Variants in MEIKIN observed in about 807,000 individuals in gnomAD.
MEIKIN encodes the protein meiosis-specific kinetochore protein.
chr5:131,887,185 T>C (rs1278453704), intron 8 of MEIKIN, among the ~76,000 whole-genome samples: 1 of 152,130 alleles, frequency 6.6e-6, no homozygotes, highest in Non-Finnish European at 1.5e-5. Flanking sequence ...GGCTGCACAG[T>C]ATTCCATGGG....
At chr5:131,913,135 T>C (rs1438273981) in intron 7 of MEIKIN, among the ~76,000 whole-genome samples, 1 of 152,208 alleles carries the variant, frequency 6.6e-6, no homozygotes, top group Non-Finnish European at 1.5e-5. Flanking sequence ...ACTGGAGCTC[T>C]ACCTATCACC....
chr5:131,837,596 G>A (rs949606053), intron 11 of MEIKIN, among the ~76,000 whole-genome samples: 3 of 151,942 alleles, frequency 2.0e-5, no homozygotes, highest in Admixed American at 6.6e-5. Flanking sequence ...TGTATTCCTA[G>A]GTATTTTATT....
At chr5:131,936,427 AT>A (rs1386299506) in intron 4 of MEIKIN, among the ~76,000 whole-genome samples, 1 of 152,166 alleles carries the variant, frequency 6.6e-6, no homozygotes, top group African/African-American at 2.4e-5. Flanking sequence ...CAATGTTTCT[AT>A]TATTATGACT....
intron 11 of MEIKIN, among the ~76,000 whole-genome samples, chr5:131,843,380 G>A (rs564360396): frequency 6.6e-6 from 1 of 152,272 alleles, no homozygotes; most frequent in African/African-American, 2.4e-5. Context: ...ACCTGGTCAG[G>A]CCACAAATTT....
chr5:131,932,659 C>G (rs191895250), intron 5 of MEIKIN, among the ~76,000 whole-genome samples: 109 of 152,302 alleles, frequency 7.2e-4, no homozygotes, highest in Middle Eastern at 3.4e-3. Flanking sequence ...TTGGGACTGA[C>G]ATTTCAAAAT....
intron 11 of MEIKIN, among the ~76,000 whole-genome samples, chr5:131,844,587 C>T (rs554448533): frequency 6.6e-6 from 1 of 152,104 alleles, no homozygotes; most frequent in Non-Finnish European, 1.5e-5. Context: ...GAGAGAACCC[C>T]AGCAATATGC....
chr5:131,881,921 T>A (rs1750707958), intron 8 of MEIKIN, among the ~76,000 whole-genome samples: 1 of 152,216 alleles, frequency 6.6e-6, no homozygotes, highest in Admixed American at 6.5e-5. Flanking sequence ...CAAAACTTAA[T>A]GTGTATGGGC....
At chr5:131,913,395 A>G (rs963910322) in intron 7 of MEIKIN, among the ~76,000 whole-genome samples, 6 of 152,142 alleles carry the variant, frequency 3.9e-5, no homozygotes, top group African/African-American at 1.4e-4. Flanking sequence ...TGCCATTCCA[A>G]AGCACCTAAC....
intron 11 of MEIKIN, among the ~76,000 whole-genome samples, chr5:131,848,477 A>G (rs1750055609): frequency 6.6e-6 from 1 of 152,190 alleles, no homozygotes; most frequent in Non-Finnish European, 1.5e-5. Flanking sequence ...TAAATCATGC[A>G]GAAATAGAAA....
At chr5:131,864,534 T>C (rs919310942) in intron 9 of MEIKIN, among the ~76,000 whole-genome samples, 9 of 152,224 alleles carry the variant, frequency 5.9e-5, no homozygotes, top group Non-Finnish European at 1.0e-4. Flanking sequence ...TTTCAGCACT[T>C]TGAATATATC....
intron 12 of MEIKIN, among the ~76,000 whole-genome samples, chr5:131,813,224 A>C (rs1332252965): frequency 6.6e-6 from 1 of 152,206 alleles, no homozygotes; most frequent in African/African-American, 2.4e-5. Flanking sequence ...TGAGGAAGAG[A>C]AAACTCATAT....
intron 9 of MEIKIN, among the ~76,000 whole-genome samples, chr5:131,861,394 A>C (rs1395163262): frequency 1.3e-5 from 2 of 152,098 alleles, no homozygotes; most frequent in African/African-American, 4.8e-5. Flanking sequence ...TCTTCAAAAA[A>C]AAAAGAATAA....
At chr5:131,822,608 G>GT (rs1749534744) in intron 11 of MEIKIN, among the ~76,000 whole-genome samples, 2 of 151,942 alleles carry the variant, frequency 1.3e-5, no homozygotes, top group Non-Finnish European at 1.5e-5. Flanking sequence ...TTAACTTTTT[G>GT]TTTTTTCTCT....
intron 8 of MEIKIN, among the ~76,000 whole-genome samples, chr5:131,881,867 T>G (rs1750707193): frequency 6.6e-6 from 1 of 152,166 alleles, no homozygotes; most frequent in African/African-American, 2.4e-5. Flanking sequence ...TTCTTGAACT[T>G]TATATATATG....
intron 11 of MEIKIN, among the ~76,000 whole-genome samples, chr5:131,822,077 A>C (rs1360076927): frequency 6.6e-6 from 1 of 152,058 alleles, no homozygotes; most frequent in Non-Finnish European, 1.5e-5. Context: ...CTTGCCTTTA[A>C]ATCTGTTTTG....
chr5:131,900,643 G>T (rs1751140977), intron 8 of MEIKIN, among the ~76,000 whole-genome samples: 1 of 152,176 alleles, frequency 6.6e-6, no homozygotes, highest in South Asian at 2.1e-4. Context: ...TGTTGGACTT[G>T]AACAGCCCAG....
At chr5:131,907,522 T>C (rs1751260883) in intron 8 of MEIKIN, among the ~76,000 whole-genome samples, 3 of 150,014 alleles carry the variant, frequency 2.0e-5, no homozygotes, top group African/African-American at 7.4e-5. Flanking sequence ...TAGTATCTAC[T>C]ATGAGCAACT....
chr5:131,922,579 T>C (rs1751522980), intron 5 of MEIKIN, among the ~76,000 whole-genome samples: 1 of 152,160 alleles, frequency 6.6e-6, no homozygotes, highest in African/African-American at 2.4e-5. Context: ...AGGGAGGTCT[T>C]GGAACCAACC....
intron 9 of MEIKIN, among the ~76,000 whole-genome samples, chr5:131,876,140 G>C (rs1414606264): frequency 6.6e-5 from 10 of 152,244 alleles, no homozygotes; most frequent in African/African-American, 2.4e-4. Context: ...CCAAAATTGA[G>C]AAATGGGATC....
Sources: gnomAD v4.1 joint callset for allele counts (sites outside exome capture counted in the v4.1 genomes callset) on GRCh38, gnomAD v4.1.1 for gene constraint, MANE v1.5 for transcripts, NCBI Gene and HGNC (gene_info 2026-07-23, HGNC 2026-07-21) for gene names.